Variants in CAPN2 observed in about 807,000 individuals in gnomAD.
The protein encoded by CAPN2 is calpain 2, also known as calpain-2 catalytic subunit.
A neutral mutation model predicts 102.3 loss-of-function variants in CAPN2; 92 were observed. The ratio of observed to expected loss-of-function variants is 0.90; its 90% CI spans 0.76 to 1.07. The LOEUF (loss-of-function observed/expected upper bound fraction) is 1.07. CAPN2 is among the 50% of genes least tolerant of loss of function. The pLI is 0.00. For missense variants in CAPN2, 800 were observed against 909.4 expected, an observed-to-expected ratio of 0.88 and a Z score of 1.55; for synonymous variants, 340 against 355.4, an observed-to-expected ratio of 0.96 and a Z score of 0.49.
intron 1 of CAPN2, among the ~76,000 whole-genome samples, chr1:223,713,289 A>C (rs1659791175): frequency 6.6e-6 from 1 of 152,144 alleles, no homozygotes. Flanking sequence ...TCTACCAGAC[A>C]AAGTCCGTCT....
chr1:223,772,299 G>T lies in CAPN2; in HGVS notation c.2079+60G>T. On this transcript the variant is annotated intron_variant, in intron 20 of 20. Transcript: ENST00000295006. Reference sequence around the variant, plus strand: ...ATGGGGGAGGCATGGGGCGGAAAGGGCTGTTACTTGAGTGATCTGCTTTTT... The same window carrying T: ...ATGGGGGAGGCATGGGGCGGAAAGGTCTGTTACTTGAGTGATCTGCTTTTT... The T allele has an allele frequency of 2.1e-6, 3 of 1,435,666 alleles. No homozygotes were observed. In the South Asian group the frequency reaches 3.4e-5, roughly 16 times the overall value. The allele number at this position is 1,435,666 out of a possible 1,614,324, so 88.9% of individuals were successfully genotyped here.
rs563402476 is a variant in CAPN2 at position 223,729,030 on chromosome 1, G to A, written c.307+11199G>A. 7.2e-5 allele frequency among the ~76,000 whole-genome samples: 11 copies of A among 152,210 alleles called. No homozygotes were observed. The South Asian group carries it at 1.2e-3, about 17-fold the overall frequency. On this transcript the variant is annotated intron_variant, in intron 2 of 20. Transcript: ENST00000295006. ...GTGTCCAACCAGTCCCTCCATTCTC[G>A]GTCCTTAACTCATCACCAAGCCGCC...
chr1:223,702,822 AAGAGGAAGG>A (rs1403657777), intron 1 of CAPN2, among the ~76,000 whole-genome samples: 1 of 152,202 alleles, frequency 6.6e-6, no homozygotes, highest in African/African-American at 2.4e-5. Context: ...AAGGTACAAG[AAGAGGAAGG>A]AGAGGAAGGA....
chr1:223,774,870 T>A lies in CAPN2; in HGVS notation c.*13T>A, dbSNP rs1335733887. ...CTCAGTACTTTGAAGTTATAACTAA[T>A]CTGCCTGAAGACTTCTCATGATGGA... On this transcript the variant is annotated 3_prime_UTR_variant, in exon 21 of 21. Transcript: ENST00000295006. 6.2e-7 allele frequency: 1 copy of A among 1,611,982 alleles called. No homozygotes were observed. Among genetic ancestry groups the A allele is most frequent in the South Asian group, 1.1e-5 (1 of 90,958 alleles).
chr1:223,760,638 C>T (rs1255383970), intron 12 of CAPN2, among the ~76,000 whole-genome samples: 1 of 152,134 alleles, frequency 6.6e-6, no homozygotes, highest in Non-Finnish European at 1.5e-5. Context: ...AGGAGCATGA[C>T]CTGGTGGCAT....
chr1:223,754,539 G>A lies in CAPN2; in HGVS notation c.1136-941G>A, dbSNP rs1467136831. ...AACGTTATTTACAAAAACAGGCAGC[G>A]GCCTTCGGAGCCATAGCTGCCAACC... On this transcript the variant is annotated intron_variant, in intron 9 of 20. Coordinates refer to ENST00000295006, the MANE Select transcript of CAPN2 (RefSeq NM_001748.5). The surrounding 1 kb of genome is among the most constrained non-coding windows in gnomAD (Gnocchi z 4.7). 6.6e-6 allele frequency among the ~76,000 whole-genome samples: 1 copy of A among 152,200 alleles called. No homozygotes were observed. The highest frequency in any genetic ancestry group is 2.4e-5 in the African/African-American group (1 of 41,454).
chr1:223,734,882 G>A (rs565181961), intron 2 of CAPN2, among the ~76,000 whole-genome samples: 171 of 152,242 alleles, frequency 1.1e-3, no homozygotes, highest in Non-Finnish European at 2.2e-3. Flanking sequence ...TGAGGAAACT[G>A]AGGCACAGAG....
chr1:223,747,283 G>C, intron 5 of CAPN2, 118 bp downstream of exon 5: 1 of 1,007,894 alleles, frequency 9.9e-7, no homozygotes. Context: ...CCTCGTCCAC[G>C]TAGGGGCCAA....
Position 223,704,247 on chromosome 1 carries a change from C to T in CAPN2, c.3+2416C>T, listed in dbSNP as rs566587048. ...TAGAGGTCGCGGTGAGTCGAGATCACGCCACTGCACTCCAGCCTGGGCAAC... is the reference window on the plus strand; with the variant it reads ...TAGAGGTCGCGGTGAGTCGAGATCATGCCACTGCACTCCAGCCTGGGCAAC... On this transcript the variant is annotated intron_variant, in intron 1 of 20. Coordinates refer to the CAPN2 transcript ENST00000433674. Among the ~76,000 whole-genome samples, 4 of 152,204 alleles carry T rather than the reference C, an allele frequency of 2.6e-5. No homozygotes were observed. The East Asian group carries it at 5.8e-4, about 22-fold the overall frequency.
intron 15 of CAPN2, among the ~76,000 whole-genome samples, chr1:223,765,414 C>T (rs949855784): frequency 1.3e-5 from 2 of 152,186 alleles, no homozygotes; most frequent in African/African-American, 4.8e-5. Context: ...ATTGTGTTTA[C>T]CCTGGAGGCC....
chr1:223,744,527 G>A (rs1222136), intron 3 of CAPN2, among the ~76,000 whole-genome samples: 150,149 of 152,260 alleles, frequency 0.99, 74,072 homozygotes, highest in Middle Eastern at 1. Flanking sequence ...CAAAAACGTT[G>A]AAGTTCTCCT....
chr1:223,718,903 G>T (rs1436971046), intron 2 of CAPN2, among the ~76,000 whole-genome samples: 2 of 152,168 alleles, frequency 1.3e-5, no homozygotes, highest in Non-Finnish European at 1.5e-5. Context: ...CTGACCCCAG[G>T]GTATGTTTAA....
chr1:223,745,286 C>T lies in CAPN2; in HGVS notation c.427-20C>T. ...TGCTGCCACCAGCTCCTCCTGCAGC[C>T]CACCTCTCTTGTTCTGCAGTTCTGG... is the stretch of plus-strand genomic sequence containing the variant. On this transcript the variant is annotated intron_variant, in intron 3 of 20. Coordinates refer to ENST00000295006, the MANE Select transcript of CAPN2 (RefSeq NM_001748.5). 1 of 1,614,032 alleles carries T rather than the reference C, an allele frequency of 6.2e-7. No homozygotes were observed. Among genetic ancestry groups the T allele is most frequent in the Non-Finnish European group, 8.5e-7 (1 of 1,179,992 alleles).
chr1:223,740,220 T>C (rs1428130344), intron 2 of CAPN2, among the ~76,000 whole-genome samples: 1 of 152,178 alleles, frequency 6.6e-6, no homozygotes, highest in Non-Finnish European at 1.5e-5. Flanking sequence ...ACCTGGACGC[T>C]GAAACACCAT....
chr1:223,710,540 T>C (rs947150923), upstream of CAPN2, among the ~76,000 whole-genome samples: 3 of 152,066 alleles, frequency 2.0e-5, no homozygotes, highest in African/African-American at 7.2e-5. Flanking sequence ...TTTCAGGCCA[T>C]GAAGGAAAGG....
chr1:223,744,307 G>T, intron 3 of CAPN2, 89 bp downstream of exon 3: 1 of 836,524 alleles, frequency 1.2e-6, no homozygotes, highest in Non-Finnish European at 2.1e-6. Context: ...TCAGTCCCTG[G>T]TGTTTGCAGA....
rs749441899 is a variant in CAPN2 at position 223,712,723 on chromosome 1, T to C, written c.83T>C (p.Leu28Pro). 5 of 1,586,274 alleles carry C rather than the reference T, an allele frequency of 3.2e-6. No individual in the cohort carries two copies. The highest frequency in any genetic ancestry group is 4.3e-6 in the Non-Finnish European group (5 of 1,168,490). Reference protein sequence around the residue: ...LGSHDRAIKYLNQDYEALRNE... With the variant: ...LGSHDRAIKYPNQDYEALRNE... The stretch of plus-strand genomic sequence containing the variant: ...TCCCACGACAGGGCCATCAAGTACC[T>C]CAACCAGGACTACGAGGCGCTGCGG... Residue 28 changes from leucine (L) to proline (P), a missense_variant, in exon 1 of 21, where the codon CTC becomes CCC. Leu to Pro is a moderately conservative substitution (Grantham distance 98). Transcript: ENST00000295006.
At chr1:223,762,519 CTGTTT>C (rs1191895798) in intron 14 of CAPN2, among the ~76,000 whole-genome samples, 1 of 152,040 alleles carries the variant, frequency 6.6e-6, no homozygotes, top group African/African-American at 2.4e-5. Flanking sequence ...CACCTTGTGA[CTGTTT>C]TATTTTCTCT....
chr1:223,737,721 G>GGTA (rs146144248), intron 2 of CAPN2, among the ~76,000 whole-genome samples: 709 of 70,170 alleles, frequency 0.01, 33 homozygotes, highest in Middle Eastern at 0.043. Flanking sequence ...GGGTGGGGGG[G>GGTA]AGAGAATACA....
Sources: gnomAD v4.1 joint callset for allele counts (sites outside exome capture counted in the v4.1 genomes callset) on GRCh38, gnomAD v4.1.1 for gene constraint, Gnocchi (gnomAD v3.1) non-coding constraint, MANE v1.5 for transcripts, NCBI Gene and HGNC (gene_info 2026-07-23, HGNC 2026-07-21) for gene names.